The following SIPA1L2 variants were observed in gnomAD, a reference collection of about 807,000 sequenced individuals.
The protein encoded by SIPA1L2 is signal-induced proliferation-associated 1-like protein 2.
A neutral mutation model predicts 163.9 loss-of-function variants in SIPA1L2; 56 were observed. The ratio of observed to expected loss-of-function variants is 0.34; its 90% CI spans 0.28 to 0.43. The LOEUF (loss-of-function observed/expected upper bound fraction) is 0.43. Among genes scored for constraint, SIPA1L2 ranks in the 20% least tolerant of loss-of-function variants. The pLI is 1.00. For synonymous variants in SIPA1L2, 877 were observed against 865.7 expected, an observed-to-expected ratio of 1.01 and a Z score of -0.23; for missense variants, 1,974 against 2,193.5, an observed-to-expected ratio of 0.90 and a Z score of 2.00.
At chr1:232,519,896 C>G (rs980234569) in intron 2 of SIPA1L2, among the ~76,000 whole-genome samples, 1 of 152,178 alleles carries the variant, frequency 6.6e-6, no homozygotes, top group Non-Finnish European at 1.5e-5. Flanking sequence ...TAAGCTGGTA[C>G]AGCTTGAGGA....
chr1:232,530,741 T>A (rs1656864501), intron 2 of SIPA1L2, among the ~76,000 whole-genome samples: 1 of 152,158 alleles, frequency 6.6e-6, no homozygotes, highest in African/African-American at 2.4e-5. Flanking sequence ...AATCTAGAAT[T>A]TTAGAAGGGA....
chr1:232,464,664 T>C (rs1298931412), intron 9 of SIPA1L2, among the ~76,000 whole-genome samples, 176 bp downstream of exon 9: 2 of 152,254 alleles, frequency 1.3e-5, no homozygotes, highest in African/African-American at 2.4e-5. Flanking sequence ...CCACCATTCA[T>C]GTATTCAACA....
chr1:232,415,608 C>A lies in SIPA1L2; in HGVS notation c.4648G>T (p.Asp1550Tyr). Reference protein sequence around the residue: ...GSLRNEFWFSDGSLSDKSKCA... With the variant: ...GSLRNEFWFSYGSLSDKSKCA... ...TTGGACTTATCTGATAAGGACCCAT[C>A]GGAGAACCAGAACTCATCTAAACAG... Residue 1550 changes from aspartate to tyrosine, a missense_variant, in exon 19 of 23, where the codon GAT (aspartate) becomes TAT (tyrosine). Around this residue, in one of 3 missense-constraint regions of SIPA1L2, gnomAD observed 1,079 missense variants for 1,150.7 expected, o/e 0.94. Coordinates refer to ENST00000674635, the MANE Select transcript of SIPA1L2 (RefSeq NM_020808.5). The A allele has an allele frequency of 6.2e-7, 1 of 1,614,012 alleles. No individual in the cohort carries two copies. The highest frequency in any genetic ancestry group is 8.5e-7 in the Non-Finnish European group (1 of 1,179,980).
At chr1:232,588,226 T>C (rs563182065) in intron 1 of SIPA1L2, among the ~76,000 whole-genome samples, 2 of 152,186 alleles carry the variant, frequency 1.3e-5, no homozygotes, top group South Asian at 4.1e-4. Flanking sequence ...TTTTCTTCAT[T>C]GAACCCAACC....
rs551607362 is a variant in SIPA1L2, at chr1:232,621,549, T to C, written c.-319+8320A>G. ...CACTTTCATTAAACCTTAGTTTTTG[T>C]ATCTGTAAAAGGGAAAAAAATCCCA... On this transcript the variant is annotated intron_variant, in intron 1 of 22. Transcript: ENST00000674635. Among the ~76,000 whole-genome samples, 158 of 152,328 alleles carry C rather than the reference T, an allele frequency of 1.0e-3. No individual in the cohort carries two copies. The Middle Eastern group carries it at 0.017, about 16-fold the overall frequency.
rs112716408 is a variant in SIPA1L2, at chr1:232,564,117, A to G, written c.-270+10057T>C. Among the ~76,000 whole-genome samples the G allele has an allele frequency of 5.4e-4, 53 of 99,012 alleles. 2 individuals carry two copies. The highest frequency in any genetic ancestry group is 2.3e-3 in the African/African-American group (36 of 15,952). The allele number at this position is 99,012 out of a possible 152,430, so 65.0% of individuals were successfully genotyped here. ...AGGAAGGTTTCATCATGTTGGCCAG[A>G]CTGAACGACGAAGGTTGTTTTTTTT... On this transcript the variant is annotated intron_variant, in intron 2 of 22. Transcript: ENST00000674635.
chr1:232,549,437 T>C (rs953267156), intron 2 of SIPA1L2, among the ~76,000 whole-genome samples: 2 of 152,200 alleles, frequency 1.3e-5, no homozygotes, highest in Admixed American at 6.5e-5. Flanking sequence ...AGAAAAGGTA[T>C]ATAGAATTAA....
At chr1:232,416,077 A>AGTCG (rs1661244904) in intron 18 of SIPA1L2, among the ~76,000 whole-genome samples, 1 of 78,314 alleles carries the variant, frequency 1.3e-5, no homozygotes, top group Admixed American at 1.4e-4. Context: ...TCAGTCAGTC[A>AGTCG]GAACACGGGC....
intron 3 of SIPA1L2, among the ~76,000 whole-genome samples, chr1:232,511,475 AC>A (rs1221084196): frequency 1.3e-5 from 2 of 152,242 alleles, no homozygotes; most frequent in African/African-American, 4.8e-5. Flanking sequence ...TAATGTGATT[AC>A]AAAAGACATG....
intron 2 of SIPA1L2, among the ~76,000 whole-genome samples, chr1:232,549,564 T>C (rs886207809): frequency 9.9e-5 from 15 of 152,184 alleles, no homozygotes; most frequent in African/African-American, 3.1e-4. Flanking sequence ...CTGATGTTGA[T>C]GGGAGCTCCT....
At chr1:232,484,488 T>C (rs1665546072) in intron 5 of SIPA1L2, among the ~76,000 whole-genome samples, 1 of 152,216 alleles carries the variant, frequency 6.6e-6, no homozygotes, top group South Asian at 2.1e-4. Context: ...AGGATTCCAA[T>C]GGAAATTATG....
At chr1:232,499,148 A>G (rs1358120544) in intron 3 of SIPA1L2, among the ~76,000 whole-genome samples, 1 of 152,102 alleles carries the variant, frequency 6.6e-6, no homozygotes, top group Non-Finnish European at 1.5e-5. Flanking sequence ...CCAGATAATA[A>G]CCCTACAATG....
At chr1:232,487,476 G>A (rs1430469982) in intron 5 of SIPA1L2, among the ~76,000 whole-genome samples, 2 of 152,148 alleles carry the variant, frequency 1.3e-5, no homozygotes, top group African/African-American at 4.8e-5. Context: ...GAATGGGGCA[G>A]TTGGCCTTAA....
intron 1 of SIPA1L2, among the ~76,000 whole-genome samples, chr1:232,582,959 C>T (rs891116703): frequency 2.6e-5 from 4 of 152,196 alleles, no homozygotes; most frequent in African/African-American, 9.7e-5. Context: ...CTGCTAAATT[C>T]AAGCTAAAAA....
chr1:232,558,731 C>A (rs1347819510), intron 2 of SIPA1L2, among the ~76,000 whole-genome samples: 1 of 152,114 alleles, frequency 6.6e-6, no homozygotes, highest in Non-Finnish European at 1.5e-5. Flanking sequence ...GATGCATGAT[C>A]CTAAATCTTC....
intron 3 of SIPA1L2, among the ~76,000 whole-genome samples, chr1:232,506,085 G>A (rs1268305572): frequency 5.7e-4 from 87 of 152,218 alleles, no homozygotes; most frequent in Non-Finnish European, 4.4e-5. Context: ...GTTTGGAATG[G>A]GGTGATGGAC....
At chr1:232,460,171 T>C (rs1415880155) in intron 10 of SIPA1L2, among the ~76,000 whole-genome samples, 1 of 152,206 alleles carries the variant, frequency 6.6e-6, no homozygotes, top group Non-Finnish European at 1.5e-5. Flanking sequence ...CCTTCTTAAT[T>C]AGCATTCTTT....
chr1:232,428,963 C>T (rs1173530387), intron 16 of SIPA1L2, among the ~76,000 whole-genome samples: 1 of 152,120 alleles, frequency 6.6e-6, no homozygotes, highest in Non-Finnish European at 1.5e-5. Context: ...ACCAGAGCCC[C>T]GATGGCACCC....
intron 2 of SIPA1L2, among the ~76,000 whole-genome samples, chr1:232,519,529 G>T (rs1667368185): frequency 6.6e-6 from 1 of 152,198 alleles, no homozygotes; most frequent in South Asian, 2.1e-4. Context: ...GAAGCCATAT[G>T]AAGCGAGGGC....
Sources: gnomAD v4.1 joint callset for allele counts (sites outside exome capture counted in the v4.1 genomes callset) on GRCh38, gnomAD v4.1.1 for gene constraint, gnomAD v4.1.1 regional missense constraint, MANE v1.5 for transcripts, NCBI Gene and HGNC (gene_info 2026-07-23, HGNC 2026-07-21) for gene names.